WSCD2: variants seen among roughly 807,000 people sequenced by gnomAD.
WSCD2 encodes the protein sialate:O-sulfotransferase 2.
WSCD2 carries 28 observed loss-of-function variants against 55.7 expected under a neutral mutation model. That is an observed-to-expected ratio of 0.50 (90% CI 0.37 to 0.69). The LOEUF (loss-of-function observed/expected upper bound fraction) is 0.69. Ranked by LOEUF, WSCD2 falls within the 30% of genes least tolerant of loss-of-function variation. The pLI, the probability that WSCD2 is intolerant of heterozygous loss-of-function variation, is 0.00. For missense variants in WSCD2, 616 were observed against 762.1 expected, an observed-to-expected ratio of 0.81 and a Z score of 2.26; for synonymous variants, 301 against 301.9, an observed-to-expected ratio of 1.00 and a Z score of 0.03.
At chr12:108,142,321 A>G (rs1386510031) in intron 1 of WSCD2, among the ~76,000 whole-genome samples, 2 of 151,852 alleles carry the variant, frequency 1.3e-5, no homozygotes, top group East Asian at 3.9e-4. Context: ...AGCCTCCTCT[A>G]CTCCCTCCCT....
chr12:108,170,081 T>C (rs1276398666), intron 1 of WSCD2, among the ~76,000 whole-genome samples: 1 of 152,186 alleles, frequency 6.6e-6, no homozygotes, highest in Non-Finnish European at 1.5e-5. Flanking sequence ...CCCAAAGGCA[T>C]TCTTAAAGCT....
At chr12:108,135,884 G>A (rs1450175853) in intron 1 of WSCD2, among the ~76,000 whole-genome samples, 1 of 152,160 alleles carries the variant, frequency 6.6e-6, no homozygotes, top group Non-Finnish European at 1.5e-5. Context: ...TATGGCTGCT[G>A]TCAAGCTACA....
At chr12:108,193,404 A>T (rs1039601003) in intron 1 of WSCD2, among the ~76,000 whole-genome samples, 1 of 152,246 alleles carries the variant, frequency 6.6e-6, no homozygotes, top group Admixed American at 6.5e-5. Context: ...GGCAATCAGC[A>T]TATGTTTTTA....
At chr12:108,211,665 A>ATT (rs1886196041) in intron 4 of WSCD2, among the ~76,000 whole-genome samples, 1 of 147,694 alleles carries the variant, frequency 6.8e-6, no homozygotes, top group South Asian at 2.1e-4. Flanking sequence ...ATATATATAT[A>ATT]TTTTTTGAGA....
intron 2 of WSCD2, among the ~76,000 whole-genome samples, chr12:108,203,538 C>T (rs954295784): frequency 6.6e-6 from 1 of 152,158 alleles, no homozygotes; most frequent in Non-Finnish European, 1.5e-5. Context: ...CATCATGTCT[C>T]CTGTGGTCAG....
At chr12:108,228,314 G>A (rs1373201568) in intron 6 of WSCD2, among the ~76,000 whole-genome samples, 2 of 152,156 alleles carry the variant, frequency 1.3e-5, no homozygotes, top group African/African-American at 2.4e-5. Flanking sequence ...ATTCAGTGAT[G>A]TGAAGTCCAC....
At chr12:108,209,315 C>A (rs971532662) in intron 3 of WSCD2, among the ~76,000 whole-genome samples, 15 of 152,164 alleles carry the variant, frequency 9.9e-5, no homozygotes, top group African/African-American at 3.6e-4. Flanking sequence ...CTCCCTGTGC[C>A]TCTTCCCCTC....
At chr12:108,157,693 C>T (rs1878660344) in intron 1 of WSCD2, among the ~76,000 whole-genome samples, 2 of 152,222 alleles carry the variant, frequency 1.3e-5, no homozygotes, top group Non-Finnish European at 2.9e-5. Flanking sequence ...CTGTCTCCCC[C>T]AAGTTCCCTA....
chr12:108,232,668 C>T lies in WSCD2; in HGVS notation c.980-63C>T. ...GGCAGGGGTGTGACTCATACCCTGGCCCTTTCAGACAGGCTCCATCTGCCC... is the reference window on the plus strand; with the variant it reads ...GGCAGGGGTGTGACTCATACCCTGGTCCTTTCAGACAGGCTCCATCTGCCC... On this transcript the variant is annotated intron_variant, in intron 6 of 8. Transcript: ENST00000547525. 6 of 1,496,902 alleles carry T rather than the reference C, an allele frequency of 4.0e-6. No homozygotes were observed. In the South Asian group the frequency reaches 7.4e-5, roughly 19 times the overall value. The allele number at this position is 1,496,902 out of a possible 1,614,324, so 92.7% of individuals were successfully genotyped here.
At chr12:108,241,707 G>GT (rs1200348251) in intron 8 of WSCD2, among the ~76,000 whole-genome samples, 2 of 152,162 alleles carry the variant, frequency 1.3e-5, no homozygotes, top group Admixed American at 1.3e-4. Flanking sequence ...CATGTTAAGT[G>GT]TTTTTTACTA....
intron 6 of WSCD2, 48 bp downstream of exon 6, chr12:108,227,212 T>C (rs1260482479): frequency 3.2e-6 from 5 of 1,578,044 alleles, no homozygotes; most frequent in Non-Finnish European, 3.4e-6. Context: ...TCCCAGTGGC[T>C]TCCCTCCCAG....
chr12:108,154,599 G>A (rs575491441), intron 1 of WSCD2, among the ~76,000 whole-genome samples: 2 of 152,234 alleles, frequency 1.3e-5, no homozygotes, highest in Non-Finnish European at 2.9e-5. Context: ...ATTAGGACAC[G>A]GATATCTTTG....
At position 108,210,317 on chromosome 12, in the gene WSCD2, T is replaced by C. The variant is rs1318671820; in HGVS notation, c.682+12T>C. 4 of 1,558,746 alleles carry C rather than the reference T, an allele frequency of 2.6e-6. No homozygotes were observed. Among genetic ancestry groups the C allele is most frequent in the Non-Finnish European group, 8.6e-7 (1 of 1,156,122 alleles). ...GTCGGCCCGCAGGTGTACGTGAGTC[T>C]GCCCTGCCCCTCTCTGCTGCTCCTC... On this transcript the variant is annotated intron_variant, in intron 4 of 8. Coordinates refer to ENST00000547525, the MANE Select transcript of WSCD2 (RefSeq NM_014653.4). This position sits in a 1 kb window ranked among gnomAD's most constrained non-coding sequence, Gnocchi z 4.3.
intron 1 of WSCD2, among the ~76,000 whole-genome samples, chr12:108,150,305 A>G (rs1877841466): frequency 6.6e-6 from 1 of 152,172 alleles, no homozygotes; most frequent in Non-Finnish European, 1.5e-5. Context: ...TGGAGTATAG[A>G]ATTCACCCCC....
intron 1 of WSCD2, among the ~76,000 whole-genome samples, chr12:108,187,390 G>A (rs747973013): frequency 3.9e-5 from 6 of 152,208 alleles, no homozygotes; most frequent in Non-Finnish European, 5.9e-5. Context: ...GTTTTGTTTA[G>A]TTGGCCAAAG....
At chr12:108,236,600 A>G (rs143996357) in intron 7 of WSCD2, among the ~76,000 whole-genome samples, 1 of 139,174 alleles carries the variant, frequency 7.2e-6, no homozygotes, top group Non-Finnish European at 1.6e-5. Flanking sequence ...CTCTCTCTCT[A>G]ATTGTCCTTT....
At position 108,206,417 on chromosome 12, in the gene WSCD2, A is replaced by T; in HGVS notation, c.497+14A>T. On this transcript the variant is annotated intron_variant, in intron 3 of 8. Coordinates refer to ENST00000547525, the MANE Select transcript of WSCD2 (RefSeq NM_014653.4). ...CTGTGCTGAACGGTAGGGTCCCAGC[A>T]TCCCAGACTTGTCCATTTCAGGCCC... The T allele has an allele frequency of 6.2e-7, 1 of 1,612,438 alleles. No individual in the cohort carries two copies. The highest frequency in any genetic ancestry group is 1.3e-5 in the African/African-American group (1 of 75,032).
chr12:108,172,331 G>A (rs1479962859), intron 1 of WSCD2, among the ~76,000 whole-genome samples: 1 of 152,174 alleles, frequency 6.6e-6, no homozygotes, highest in South Asian at 2.1e-4. Context: ...ATTTAAAGAT[G>A]AAGAAACAGG....
At chr12:108,180,236 G>A (rs1249073947) in intron 1 of WSCD2, among the ~76,000 whole-genome samples, 1 of 152,118 alleles carries the variant, frequency 6.6e-6, no homozygotes, top group Non-Finnish European at 1.5e-5. Context: ...CTTCATGGAT[G>A]TATTCACAGC....
Sources: allele counts gnomAD v4.1 joint callset (sites outside exome capture counted in the v4.1 genomes callset), GRCh38; gene constraint gnomAD v4.1.1; non-coding constraint Gnocchi (gnomAD v3.1); transcripts MANE v1.5; gene names NCBI Gene and HGNC (gene_info 2026-07-23, HGNC 2026-07-21).